The following XYLT1 variants were observed in gnomAD, a reference collection of about 807,000 sequenced individuals.
XYLT1 encodes beta-D-xylosyltransferase 1.
A neutral mutation model predicts 91.3 loss-of-function variants in XYLT1; 36 were observed. The ratio of observed to expected loss-of-function variants is 0.39; its 90% CI spans 0.30 to 0.52. The LOEUF is 0.52. XYLT1 is among the 20% of genes least tolerant of loss of function. The probability of loss-of-function intolerance (pLI) is 0.68; values close to 1 mark genes in which losing one functional copy is unlikely to be tolerated. For synonymous variants in XYLT1, 588 were observed against 532.0 expected, an observed-to-expected ratio of 1.11 and a Z score of -1.45; for missense variants, 1,242 against 1,284.5, an observed-to-expected ratio of 0.97 and a Z score of 0.51.
At chr16:17,307,546 G>T (rs1224974470) in intron 2 of XYLT1, among the ~76,000 whole-genome samples, 1 of 152,154 alleles carries the variant, frequency 6.6e-6, no homozygotes, top group African/African-American at 2.4e-5. Context: ...AGTTTTTATG[G>T]CAGAGAGAGA....
At chr16:17,230,186 G>A (rs185557977) in intron 3 of XYLT1, among the ~76,000 whole-genome samples, 9 of 152,268 alleles carry the variant, frequency 5.9e-5, no homozygotes, top group South Asian at 4.1e-4. Flanking sequence ...TTTAAGCCAC[G>A]CTGGTTGAAG....
chr16:17,352,067 C>T (rs2035228952), intron 2 of XYLT1, among the ~76,000 whole-genome samples: 1 of 152,086 alleles, frequency 6.6e-6, no homozygotes, highest in Admixed American at 6.6e-5. Context: ...CTGCAGTGAA[C>T]CGAGATGGAG....
chr16:17,133,191 C>T lies in XYLT1; in HGVS notation c.2027+1282G>A, dbSNP rs577164761. On this transcript the variant is annotated intron_variant, in intron 9 of 11. Coordinates refer to ENST00000261381, the MANE Select transcript of XYLT1 (RefSeq NM_022166.4). ...GTGATGGGACAGTGTCACAGCCCTGCGGAAACCTTGCTGGCCAGGGATGAG... is the reference window on the plus strand; with the variant it reads ...GTGATGGGACAGTGTCACAGCCCTGTGGAAACCTTGCTGGCCAGGGATGAG... Among the ~76,000 whole-genome samples, 173 of 152,128 alleles carry T rather than the reference C, an allele frequency of 1.1e-3. 1 individual carries two copies. Among genetic ancestry groups the T allele is most frequent in the Middle Eastern group, 3.4e-3 (1 of 294 alleles).
Position 17,102,023 on chromosome 16 carries a change from T to C in XYLT1, c.*6672A>G, listed in dbSNP as rs1966710089. Reference sequence around the variant, plus strand: ...CTACTCAGTACGGGTTTAAAAATCATATACTTCTGCCTCAACCAGGAGGTA... The same window carrying C: ...CTACTCAGTACGGGTTTAAAAATCACATACTTCTGCCTCAACCAGGAGGTA... On this transcript the variant is annotated 3_prime_UTR_variant, in exon 12 of 12. Transcript: ENST00000261381. 1 of 152,206 alleles carries C rather than the reference T, an allele frequency of 6.6e-6. No homozygotes were observed. Among genetic ancestry groups the C allele is most frequent in the African/African-American group, 2.4e-5 (1 of 41,456 alleles). The allele number at this position is 152,206 out of a possible 1,614,324, so 9.4% of individuals were successfully genotyped here. A position where few individuals can be genotyped will look rare whatever the true frequency, so the allele number is the denominator to read the frequency against.
At chr16:17,298,176 G>C (rs1409436587) in intron 2 of XYLT1, among the ~76,000 whole-genome samples, 1 of 152,142 alleles carries the variant, frequency 6.6e-6, no homozygotes, top group East Asian at 1.9e-4. Context: ...TACAAAACAA[G>C]TCAAAATGAG....
chr16:17,286,730 C>T (rs117649057), intron 2 of XYLT1, among the ~76,000 whole-genome samples: 3 of 152,236 alleles, frequency 2.0e-5, no homozygotes, highest in Non-Finnish European at 4.4e-5. Context: ...CAATGGAAGA[C>T]GGGGACTTGA....
rs1018774734 is a variant in XYLT1 at position 17,106,624 on chromosome 16, C to CCAAACTCTCTGCAGCTAGCACATTCCCCA, written c.*2042_*2070dup. ...CAACCACGGAGCAAGCAGGAATGGC[C>CCAAACTCTCTGCAGCTAGCACATTCCCCA]CAAACTCTCTGCAGCTAGCACATTC... On this transcript the variant is annotated 3_prime_UTR_variant, in exon 12 of 12. Coordinates refer to ENST00000261381, the MANE Select transcript of XYLT1 (RefSeq NM_022166.4). 47 of 152,214 alleles carry CCAAACTCTCTGCAGCTAGCACATTCCCCA rather than the reference C, an allele frequency of 3.1e-4. No homozygotes were observed. Among genetic ancestry groups the CCAAACTCTCTGCAGCTAGCACATTCCCCA allele is most frequent in the African/African-American group, 6.3e-4 (26 of 41,484 alleles). 9.4% of individuals were successfully genotyped at this position (152,214 alleles called of 1,614,324 possible).
At chr16:17,354,440 G>A (rs771937573) in intron 2 of XYLT1, among the ~76,000 whole-genome samples, 13 of 152,172 alleles carry the variant, frequency 8.5e-5, no homozygotes, top group African/African-American at 1.7e-4. Flanking sequence ...GCTGAGGACC[G>A]TTGCAATTCA....
At chr16:17,306,433 T>C (rs2034471775) in intron 2 of XYLT1, among the ~76,000 whole-genome samples, 2 of 152,078 alleles carry the variant, frequency 1.3e-5, no homozygotes, top group Admixed American at 6.5e-5. Context: ...CGCATGTGTA[T>C]ACTCCAAGCT....
intron 9 of XYLT1, among the ~76,000 whole-genome samples, chr16:17,130,896 C>T (rs868509573): frequency 5.9e-5 from 9 of 152,142 alleles, no homozygotes; most frequent in Middle Eastern, 6.8e-3. Context: ...CCTTTTGTTT[C>T]CTGCTACCCT....
At chr16:17,210,596 G>C (rs77108072) in intron 3 of XYLT1, among the ~76,000 whole-genome samples, 1 of 151,660 alleles carries the variant, frequency 6.6e-6, no homozygotes, top group Non-Finnish European at 1.5e-5. Context: ...ATTATTTGTA[G>C]AGATAAGGTC....
intron 3 of XYLT1, among the ~76,000 whole-genome samples, chr16:17,211,930 A>G (rs2032764760): frequency 6.6e-6 from 1 of 152,210 alleles, no homozygotes; most frequent in African/African-American, 2.4e-5. Flanking sequence ...GCATCGCTGG[A>G]TCTACCCACT....
intron 5 of XYLT1, among the ~76,000 whole-genome samples, chr16:17,172,225 C>T (rs1201975382): frequency 6.6e-6 from 1 of 151,810 alleles, no homozygotes; most frequent in Non-Finnish European, 1.5e-5. Flanking sequence ...TTCTCTCCCT[C>T]TTCCATTTCT....
intron 2 of XYLT1, among the ~76,000 whole-genome samples, chr16:17,335,618 C>T (rs1376172040): frequency 1.3e-5 from 2 of 149,948 alleles, no homozygotes; most frequent in African/African-American, 2.5e-5. Context: ...CGCTTTAACC[C>T]GGAAGGCAGA....
chr16:17,231,924 T>G (rs941560999), intron 3 of XYLT1, among the ~76,000 whole-genome samples: 1 of 151,654 alleles, frequency 6.6e-6, no homozygotes, highest in Admixed American at 6.6e-5. Flanking sequence ...ATAAACACTG[T>G]ACACTTAGGC....
At chr16:17,229,744 A>G (rs993374388) in intron 3 of XYLT1, among the ~76,000 whole-genome samples, 1 of 152,274 alleles carries the variant, frequency 6.6e-6, no homozygotes, top group Non-Finnish European at 1.5e-5. Flanking sequence ...TAAAATGGTT[A>G]CAAATTCACA....
chr16:17,141,067 T>C (rs2030958335), intron 7 of XYLT1, 86 bp downstream of exon 7: 1 of 1,369,996 alleles, frequency 7.3e-7, no homozygotes, highest in Non-Finnish European at 1.0e-6. Flanking sequence ...ACCCAGAATC[T>C]CTTTGCCAAA....
chr16:17,312,546 A>G lies in XYLT1; in HGVS notation c.402+45466T>C, dbSNP rs544032799. ...GCACTCCCTCACCCAGCTTCCCCCA[A>G]TGGTGACATCTTATGTAACTGCAGT... On this transcript the variant is annotated intron_variant, in intron 2 of 11. Coordinates refer to ENST00000261381, the MANE Select transcript of XYLT1 (RefSeq NM_022166.4). This position sits in a 1 kb window ranked among gnomAD's most constrained non-coding sequence, Gnocchi z 4.4. Among the ~76,000 whole-genome samples, 399 of 152,276 alleles carry G rather than the reference A, an allele frequency of 2.6e-3. 1 individual carries two copies. Among genetic ancestry groups the G allele is most frequent in the African/African-American group, 9.1e-3 (378 of 41,546 alleles).
At chr16:17,190,607 CT>C (rs1344258590) in intron 5 of XYLT1, among the ~76,000 whole-genome samples, 1 of 152,080 alleles carries the variant, frequency 6.6e-6, no homozygotes, top group Non-Finnish European at 1.5e-5. Context: ...ATCCATGTCC[CT>C]ACAAAGGACA....
Sources: allele counts gnomAD v4.1 joint callset (sites outside exome capture counted in the v4.1 genomes callset), GRCh38; gene constraint gnomAD v4.1.1; non-coding constraint Gnocchi (gnomAD v3.1); transcripts MANE v1.5; gene names NCBI Gene and HGNC (gene_info 2026-07-23, HGNC 2026-07-21).